PFKL: variants seen among roughly 807,000 people sequenced by gnomAD.
PFKL encodes phosphofructokinase, liver type, also known as ATP-dependent 6-phosphofructokinase, liver type.
In PFKL, 74 loss-of-function variants were observed where a neutral mutation model predicts 92.1. The ratio of observed to expected loss-of-function variants is 0.80; its 90% CI spans 0.67 to 0.97. The LOEUF (loss-of-function observed/expected upper bound fraction) is 0.97, where lower values mean the gene tolerates loss of function less well. Among genes scored for constraint, PFKL ranks in the 50% least tolerant of loss-of-function variants. PFKL has a pLI of 0.00. For synonymous variants in PFKL, 494 were observed against 456.4 expected, an observed-to-expected ratio of 1.08 and a Z score of -1.05; for missense variants, 1,028 against 1,116.6, an observed-to-expected ratio of 0.92 and a Z score of 1.13.
chr21:44,319,839 C>A (rs369375243), intron 11 of PFKL: 2 of 520,004 alleles, frequency 3.8e-6, no homozygotes, highest in South Asian at 2.4e-5. Flanking sequence ...GCCAACCCTC[C>A]CTTGAGCTGG....
intron 7 of PFKL, chr21:44,315,985 C>T (rs2047193156): frequency 1.9e-6 from 1 of 521,852 alleles, no homozygotes; most frequent in South Asian, 2.1e-5. Context: ...GGGCCCCCTT[C>T]CTCCCCTGCT....
At chr21:44,308,819 C>T (rs2041030749) in intron 2 of PFKL, among the ~76,000 whole-genome samples, 1 of 152,140 alleles carries the variant, frequency 6.6e-6, no homozygotes, top group Admixed American at 6.5e-5. Context: ...GCCTCTGCTT[C>T]CCAAAGTGCT....
At chr21:44,315,094 G>C (rs1386948826) in intron 7 of PFKL, 2 of 152,432 alleles carry the variant, frequency 1.3e-5, no homozygotes, top group African/African-American at 4.8e-5. Flanking sequence ...GGGGCCGGGC[G>C]GAGATGGAGC....
At chr21:44,324,795 G>T in intron 17 of PFKL, 61 bp from the exon 18 acceptor site, 1 of 1,586,924 alleles carries the variant, frequency 6.3e-7, no homozygotes, top group South Asian at 1.1e-5. Context: ...CCGGATCGCC[G>T]GTCAGCCTGG....
Position 44,313,893 on chromosome 21 carries a change from G to A in PFKL, c.639-20G>A. ...ACGGCTGGGTGGGGGTCCTGAGCAG[G>A]CAGGCGCTCGCTCCTCCAGGTACCT... On this transcript the variant is annotated intron_variant, in intron 6 of 21. Transcript: ENST00000349048. 6.4e-7 allele frequency: 1 copy of A among 1,553,756 alleles called. No homozygotes were observed. The highest frequency in any genetic ancestry group is 8.7e-7 in the Non-Finnish European group (1 of 1,147,558).
chr21:44,320,480 C>A, intron 12 of PFKL: 1 of 197,136 alleles, frequency 5.1e-6, no homozygotes, highest in East Asian at 1.3e-4. Context: ...AATCCCAGCA[C>A]TTTGGAAGGC....
At chr21:44,325,568 C>T (rs1270917731) in intron 19 of PFKL, 2 of 529,246 alleles carry the variant, frequency 3.8e-6, no homozygotes, top group African/African-American at 1.9e-5. Flanking sequence ...TAGATCCCCG[C>T]ATGCTCCCTG....
chr21:44,322,081 G>A, intron 13 of PFKL, 52 bp from the exon 14 acceptor site: 1 of 1,561,670 alleles, frequency 6.4e-7, no homozygotes, highest in Non-Finnish European at 8.7e-7. Flanking sequence ...CCCCTGGGGG[G>A]AATTGGCCAG....
Position 44,316,544 on chromosome 21 carries a change from C to T in PFKL, c.936+20C>T, listed in dbSNP as rs1350620665. 11 of 1,563,272 alleles carry T rather than the reference C, an allele frequency of 7.0e-6. No individual in the cohort carries two copies. The highest frequency in any genetic ancestry group is 9.6e-6 in the Non-Finnish European group (11 of 1,147,180). ...ATCCTGGTAAGTGGCCATCACCCTG[C>T]CCTGCGTACGTGCGTGGGTAAGCGT... On this transcript the variant is annotated intron_variant, in intron 9 of 21. Coordinates refer to ENST00000349048, the MANE Select transcript of PFKL (RefSeq NM_002626.6).
In PFKL at chr21:44,313,492, A is replaced by G. The variant is rs1405723376; in HGVS notation, c.594-146A>G. 7.9e-6 allele frequency: 6 copies of G among 759,494 alleles called. No homozygotes were observed. In the African/African-American group the frequency reaches 8.7e-5, roughly 11 times the overall value. The allele number at this position is 759,494 out of a possible 1,614,324, so 47.0% of individuals were successfully genotyped here. ...CCAAAGGCTGGAAGGATCCCAAGGT[A>G]TCTTTTAGCTCAGAGCCTGGGCATG... On this transcript the variant is annotated intron_variant, in intron 5 of 21. Coordinates refer to ENST00000349048, the MANE Select transcript of PFKL (RefSeq NM_002626.6).
At chr21:44,306,615 A>AGGGG in intron 1 of PFKL, 66 bp from the exon 2 acceptor site, 2 of 1,377,806 alleles carry the variant, frequency 1.5e-6, no homozygotes, top group Non-Finnish European at 2.0e-6. Context: ...GTCCTCTGAG[A>AGGGG]TGGGGAGGGT....
Position 44,322,986 on chromosome 21 carries a change from G to A in PFKL, c.1434G>A (p.Glu478=), listed in dbSNP as rs1219249602. 11 of 1,612,530 alleles carry A rather than the reference G, an allele frequency of 6.8e-6. No homozygotes were observed. Among genetic ancestry groups the A allele is most frequent in the East Asian group, 4.5e-5 (2 of 44,868 alleles). ...GGACCCTGCCCAAGGGCCAGCTGGA[G>A]TCCATTGTGGAGAACATCCGCATCT... ...TKRTLPKGQL[E]SIVENIRIYG... Residue 478 remains glutamate (E), a synonymous_variant, in exon 15 of 22, where the codon GAG becomes GAA. Coordinates refer to ENST00000349048, the MANE Select transcript of PFKL (RefSeq NM_002626.6).
chr21:44,304,104 A>C (rs1358080611), intron 1 of PFKL, among the ~76,000 whole-genome samples: 1 of 151,870 alleles, frequency 6.6e-6, no homozygotes, highest in Non-Finnish European at 1.5e-5. Flanking sequence ...TGGCCATGTG[A>C]CATGGCCACT....
intron 2 of PFKL, 69 bp downstream of exon 2, chr21:44,306,823 C>A: frequency 2.2e-6 from 3 of 1,348,624 alleles, no homozygotes; most frequent in South Asian, 1.2e-5. Context: ...GAGGTGTGTT[C>A]TGTGTGGGTC....
At position 44,326,735 on chromosome 21, in the gene PFKL, A is replaced by G. The variant is rs144255805; in HGVS notation, c.2216A>G (p.Gln739Arg). The G allele has an allele frequency of 6.2e-7, 1 of 1,611,696 alleles. No homozygotes were observed. ...TDFEHRMPRE[Q>R]WWLSLRLMLK... ...CACAGGCACCGCATGCCACGGGAGC[A>G]GTGGTGGCTGAGCCTGCGGCTCATG... Residue 739 changes from glutamine to arginine, a missense_variant, in exon 22 of 22, where the codon CAG becomes CGG. By Grantham distance (43) the Gln-to-Arg change is conservative (BLOSUM62 1). Coordinates refer to ENST00000349048, the MANE Select transcript of PFKL (RefSeq NM_002626.6).
chr21:44,304,024 C>CTGA (rs2040855239), intron 1 of PFKL, among the ~76,000 whole-genome samples: 1 of 56,706 alleles, frequency 1.8e-5, no homozygotes, highest in African/African-American at 1.1e-4. Context: ...AGGCCGCAGC[C>CTGA]AGTCCCGTTC....
Position 44,306,698 on chromosome 21 carries a change from C to G in PFKL, c.103C>G (p.Arg35Gly). 2 of 1,613,776 alleles carry G rather than the reference C, an allele frequency of 1.2e-6. No individual in the cohort carries two copies. The highest frequency in any genetic ancestry group is 1.7e-6 in the Non-Finnish European group (2 of 1,179,908). Residue 35 changes from arginine to glycine, a missense_variant, in exon 2 of 22, where the codon CGG (arginine) becomes GGG (glycine). Arg to Gly is a moderately radical substitution (Grantham distance 125, BLOSUM62 -2). Transcript: ENST00000349048. ...GDAQGMNAAV[R>G]AVTRMGIYVG... is the part of the protein sequence containing the mutation. ...CTCCACAGGCATGAACGCTGCTGTC[C>G]GGGCTGTGACGCGCATGGGCATTTA...
At chr21:44,308,844 G>A (rs937966746) in intron 2 of PFKL, among the ~76,000 whole-genome samples, 3 of 152,100 alleles carry the variant, frequency 2.0e-5, no homozygotes, top group Non-Finnish European at 4.4e-5. Flanking sequence ...TTACAGGCGC[G>A]AGCCACTGTG....
chr21:44,312,252 CGCA>C lies in PFKL; in HGVS notation c.388_390del (p.Ser130del). 2 of 1,598,658 alleles carry C rather than the reference CGCA, an allele frequency of 1.3e-6. No individual in the cohort carries two copies. Among genetic ancestry groups the C allele is most frequent in the Non-Finnish European group, 1.7e-6 (2 of 1,173,628 alleles). ...CAGCCTCACAGGTGCCAACATCTTC[CGCA>C]GCGAGTGGGGCAGCCTGCTGGAGGA... is the stretch of plus-strand genomic sequence containing the variant. On this transcript the variant is annotated inframe_deletion, in exon 4 of 22. Coordinates refer to ENST00000349048, the MANE Select transcript of PFKL (RefSeq NM_002626.6).
Sources: gnomAD v4.1 joint callset for allele counts (sites outside exome capture counted in the v4.1 genomes callset) on GRCh38, gnomAD v4.1.1 for gene constraint, MANE v1.5 for transcripts, NCBI Gene and HGNC (gene_info 2026-07-23, HGNC 2026-07-21) for gene names.